ADAM17: variants seen among roughly 807,000 people sequenced by gnomAD.
ADAM17 encodes the protein disintegrin and metalloproteinase domain-containing protein 17.
In ADAM17, 39 loss-of-function variants were observed where a neutral mutation model predicts 96.7. The ratio of observed to expected loss-of-function variants is 0.40; its 90% CI spans 0.31 to 0.53. ADAM17 has a LOEUF of 0.53. ADAM17 is among the 20% of genes least tolerant of loss of function. The probability of loss-of-function intolerance (pLI) is 0.44; values close to 1 mark genes in which losing one functional copy is unlikely to be tolerated. For synonymous variants in ADAM17, 344 were observed against 359.2 expected, an observed-to-expected ratio of 0.96 and a Z score of 0.48; for missense variants, 777 against 1,013.2, an observed-to-expected ratio of 0.77 and a Z score of 3.17.
rs950971618 is a variant in ADAM17, at chr2:9,526,321, C to T, written c.620-77G>A. On this transcript the variant is annotated intron_variant, in intron 5 of 18. Transcript: ENST00000310823. ...TTTTATGGTAACACTTTAAATCTAA[C>T]ATATTTTTGAAACAAACATTATGTG... 33 of 1,446,186 alleles carry T rather than the reference C, an allele frequency of 2.3e-5. No homozygotes were observed. The African/African-American group carries it at 4.0e-4, about 17-fold the overall frequency. The allele number at this position is 1,446,186 out of a possible 1,614,324, so 89.6% of individuals were successfully genotyped here. A position where few individuals can be genotyped will look rare whatever the true frequency, so the allele number is the denominator to read the frequency against.
intron 1 of ADAM17, among the ~76,000 whole-genome samples, chr2:9,548,482 T>TAA (rs754054511): frequency 1.4e-5 from 2 of 138,712 alleles, no homozygotes. Flanking sequence ...TCACTGTGAT[T>TAA]AAAAAAAAAA....
At chr2:9,492,847 T>C (rs1359948666) in intron 17 of ADAM17, 51 bp downstream of exon 17, 5 of 1,482,414 alleles carry the variant, frequency 3.4e-6, no homozygotes, top group Non-Finnish European at 4.6e-6. Flanking sequence ...ATGGTTGGAG[T>C]TGATCAAAAT....
intron 10 of ADAM17, among the ~76,000 whole-genome samples, chr2:9,512,620 T>C (rs1450093383): frequency 6.6e-6 from 1 of 152,196 alleles, no homozygotes; most frequent in Admixed American, 6.5e-5. Flanking sequence ...ATTCTCATTC[T>C]CATTCTAGAG....
intron 10 of ADAM17, among the ~76,000 whole-genome samples, chr2:9,511,665 T>C (rs1356436204): frequency 6.6e-6 from 1 of 152,082 alleles, no homozygotes; most frequent in African/African-American, 2.4e-5. Context: ...TCCATATTTA[T>C]CTGAATAAAA....
intron 4 of ADAM17, among the ~76,000 whole-genome samples, chr2:9,528,965 G>T (rs1313110709): frequency 6.6e-6 from 1 of 152,132 alleles, no homozygotes; most frequent in Non-Finnish European, 1.5e-5. Flanking sequence ...CAAGAGAAAT[G>T]AAAACACAAG....
At chr2:9,547,150 G>A (rs1179397709) in intron 1 of ADAM17, among the ~76,000 whole-genome samples, 1 of 152,062 alleles carries the variant, frequency 6.6e-6, no homozygotes, top group African/African-American at 2.4e-5. Context: ...TTTGCTTTTT[G>A]TTGTTTTGTT....
intron 6 of ADAM17, among the ~76,000 whole-genome samples, chr2:9,525,374 G>A (rs1341299991): frequency 1.3e-5 from 2 of 151,338 alleles, no homozygotes; most frequent in Non-Finnish European, 2.9e-5. Flanking sequence ...AAAATGGACA[G>A]CATGGGAAAA....
intron 4 of ADAM17, among the ~76,000 whole-genome samples, chr2:9,529,102 A>C (rs1430139161): frequency 1.3e-5 from 2 of 152,244 alleles, no homozygotes; most frequent in African/African-American, 4.8e-5. Context: ...TAAATAAGAT[A>C]CAGATACATG....
intron 13 of ADAM17, among the ~76,000 whole-genome samples, chr2:9,497,925 T>C (rs540701829): frequency 7.9e-5 from 12 of 152,296 alleles, no homozygotes; most frequent in Non-Finnish European, 1.6e-4. Flanking sequence ...TTCCCTCTAC[T>C]AGACTGGAAA....
intron 12 of ADAM17, among the ~76,000 whole-genome samples, chr2:9,504,391 G>A (rs1368753978): frequency 2.6e-5 from 4 of 152,240 alleles, no homozygotes; most frequent in South Asian, 4.1e-4. Context: ...ATTGCAGTGC[G>A]CTGAGATCGC....
intron 13 of ADAM17, among the ~76,000 whole-genome samples, chr2:9,498,188 C>G (rs1440390456): frequency 6.6e-6 from 1 of 151,242 alleles, no homozygotes; most frequent in Non-Finnish European, 1.5e-5. Flanking sequence ...CGCCACCATA[C>G]CTGGCTAATT....
intron 10 of ADAM17, among the ~76,000 whole-genome samples, chr2:9,517,596 C>T (rs1313999451): frequency 1.3e-5 from 2 of 152,160 alleles, no homozygotes; most frequent in East Asian, 3.9e-4. Context: ...TGAATGACAG[C>T]TGCACTGCAG....
intron 17 of ADAM17, among the ~76,000 whole-genome samples, chr2:9,492,388 A>G (rs1260858851): frequency 6.6e-6 from 1 of 152,338 alleles, no homozygotes; most frequent in East Asian, 1.9e-4. Context: ...GAGAACAGAA[A>G]AGACTGCTTA....
intron 5 of ADAM17, among the ~76,000 whole-genome samples, chr2:9,527,091 G>A (rs1168952414): frequency 1.3e-5 from 2 of 152,136 alleles, no homozygotes; most frequent in East Asian, 3.8e-4. Flanking sequence ...GGGAGGCTGA[G>A]GTGGGCAGAT....
chr2:9,503,783 A>G (rs915360797), intron 12 of ADAM17, among the ~76,000 whole-genome samples: 1 of 150,486 alleles, frequency 6.6e-6, no homozygotes, highest in Non-Finnish European at 1.5e-5. Flanking sequence ...GGTTGCAGTG[A>G]GCCAAGATCA....
intron 1 of ADAM17, among the ~76,000 whole-genome samples, chr2:9,554,065 A>G (rs927379070): frequency 6.1e-5 from 9 of 147,746 alleles, no homozygotes; most frequent in African/African-American, 9.9e-5. Flanking sequence ...TCTGTCTTGG[A>G]AAAAAAAAAT....
intron 1 of ADAM17, among the ~76,000 whole-genome samples, chr2:9,544,545 G>A (rs561777047): frequency 4.9e-5 from 7 of 141,630 alleles, no homozygotes; most frequent in South Asian, 4.5e-4. Flanking sequence ...AAAAAAGGCC[G>A]GGCTGGGCAC....
intron 2 of ADAM17, among the ~76,000 whole-genome samples, chr2:9,541,621 T>C (rs371841143): frequency 4.3e-4 from 65 of 152,336 alleles, no homozygotes; most frequent in African/African-American, 1.5e-3. Flanking sequence ...GAAACCTCTC[T>C]GGGTCTGAGA....
At position 9,514,566 on chromosome 2, in the gene ADAM17, T is replaced by A. The variant is rs1386462217; in HGVS notation, c.1191+3335A>T. ...ATATATATATATATATATATATATA[T>A]ATAAATAAAAAGAGACAGGGTCTCA... On this transcript the variant is annotated intron_variant, in intron 10 of 18. Transcript: ENST00000310823. 6.5e-4 allele frequency among the ~76,000 whole-genome samples: 60 copies of A among 92,340 alleles called. 1 individual carries two copies. The highest frequency in any genetic ancestry group is 0.014 in the Middle Eastern group (2 of 144). The allele number at this position is 92,340 out of a possible 152,430, so 60.6% of individuals were successfully genotyped here.
Sources: allele counts gnomAD v4.1 joint callset (sites outside exome capture counted in the v4.1 genomes callset), GRCh38; gene constraint gnomAD v4.1.1; transcripts MANE v1.5; gene names NCBI Gene and HGNC (gene_info 2026-07-23, HGNC 2026-07-21).